Variants in DGKQ observed in about 807,000 individuals in gnomAD.
DGKQ encodes the protein diacylglycerol kinase theta, also known as DAG kinase theta.
Under a neutral mutation model 104.2 loss-of-function variants are expected in DGKQ, and 97 were observed. The observed-to-expected ratio is 0.93, with a 90% confidence interval of 0.79 to 1.10. The LOEUF (loss-of-function observed/expected upper bound fraction) is 1.10, where lower values mean the gene tolerates loss of function less well. DGKQ is among the 50% of genes least tolerant of loss of function. The probability of loss-of-function intolerance (pLI) is 0.00; values close to 1 mark genes in which losing one functional copy is unlikely to be tolerated. For missense variants in DGKQ, 1,465 were observed against 1,352.1 expected, an observed-to-expected ratio of 1.08 and a Z score of -1.31; for synonymous variants, 736 against 595.2, an observed-to-expected ratio of 1.24 and a Z score of -3.44.
In DGKQ at chr4:965,249, C is replaced by A; in HGVS notation, c.1661G>T (p.Arg554Leu). The change falls in exon 15 of 23, where the codon CGG (arginine) becomes CTG (leucine). Residue 554 changes from arginine to leucine, a missense_variant. Arg to Leu is a moderately radical substitution (Grantham distance 102). Coordinates refer to ENST00000273814, the MANE Select transcript of DGKQ (RefSeq NM_001347.4). ...LDVACFAEAERLYMLLKDMAV... is the reference protein window; with the variant it reads ...LDVACFAEAELLYMLLKDMAV... ...CATGTCCTTCAGCAGCATGTACAGC[C>A]GCTCGGCCTCCGCAAAGCAGGCAAC... The A allele has an allele frequency of 3.7e-6, 6 of 1,612,662 alleles. No individual in the cohort carries two copies. The highest frequency in any genetic ancestry group is 5.1e-6 in the Non-Finnish European group (6 of 1,179,914).
At chr4:963,724 C>T (rs140573398) in intron 15 of DGKQ, among the ~76,000 whole-genome samples, 187 of 152,360 alleles carry the variant, frequency 1.2e-3, no homozygotes, top group African/African-American at 4.2e-3. Context: ...CCCAGGCCAC[C>T]GCCCACCTAC....
chr4:964,808 G>A (rs985080336), intron 15 of DGKQ, among the ~76,000 whole-genome samples: 6 of 152,108 alleles, frequency 3.9e-5, no homozygotes, highest in Non-Finnish European at 5.9e-5. Context: ...CGAGGCAGCC[G>A]CAGCGGGGCC....
At position 961,206 on chromosome 4, in the gene DGKQ, G is replaced by A. The variant is rs761187759; in HGVS notation, c.2575-5C>T. 6.5e-7 allele frequency: 1 copy of A among 1,546,530 alleles called. No individual in the cohort carries two copies. The highest frequency in any genetic ancestry group is 1.4e-5 in the African/African-American group (1 of 72,546). ...CAGCCCACCCTGGACCTGGCCCTGG[G>A]GCGGGAGAGGCCAGCCGGGCTCAGC... is the stretch of plus-strand genomic sequence containing the variant. On this transcript the variant is annotated splice_region_variant and splice_polypyrimidine_tract_variant and intron_variant, in intron 21 of 22. Transcript: ENST00000273814.
rs755294711 is a variant in DGKQ, at chr4:966,108, C to G, written c.1429-30G>C. The stretch of plus-strand genomic sequence containing the variant: ...AGGGAGAGGGGCGGGGATGCTGGGC[C>G]GGGGAGAACGGCACCACCGCACCAG... On this transcript the variant is annotated intron_variant, in intron 12 of 22. Coordinates refer to ENST00000273814, the MANE Select transcript of DGKQ (RefSeq NM_001347.4). The G allele has an allele frequency of 1.9e-6, 3 of 1,569,052 alleles. No individual in the cohort carries two copies. The South Asian group carries it at 3.5e-5, about 18-fold the overall frequency.
intron 22 of DGKQ, 58 bp from the exon 23 acceptor site, chr4:960,779 ACGGGCAGCCCCCGGTCCTGGGGCCC>A: frequency 1.3e-6 from 2 of 1,586,466 alleles, no homozygotes; most frequent in Non-Finnish European, 1.7e-6. Context: ...AGAACGGTAC[ACGGGCAGCCCCCGGTCCTGGGGCCC>A]CGGGCAGCTG....
rs902333438 is a variant in DGKQ at position 967,597 on chromosome 4, C to A, written c.939G>T (p.Gln313His). Residue 313 changes from glutamine (Q) to histidine (H), a missense_variant, in exon 8 of 23, where the codon CAG becomes CAT. Physicochemically the swap from Gln to His is conservative, Grantham distance 24. Coordinates refer to ENST00000273814, the MANE Select transcript of DGKQ (RefSeq NM_001347.4). Reference sequence around the variant, plus strand: ...GGCGGGACACCGTGACGAGGCGGAACTGGCTTCTTCTCACCGCGTCGTCGC... The same window carrying A: ...GGCGGGACACCGTGACGAGGCGGAAATGGCTTCTTCTCACCGCGTCGTCGC... ...FDGDDAVRRSQFRLVTVSRLA... is the reference protein window; with the variant it reads ...FDGDDAVRRSHFRLVTVSRLA... 1 of 1,612,726 alleles carries A rather than the reference C, an allele frequency of 6.2e-7. No individual in the cohort carries two copies. Among genetic ancestry groups the A allele is most frequent in the Non-Finnish European group, 8.5e-7 (1 of 1,179,880 alleles).
At chr4:966,690 C>T in intron 11 of DGKQ, 58 bp downstream of exon 11, 1 of 1,556,112 alleles carries the variant, frequency 6.4e-7, no homozygotes. Flanking sequence ...GCCTGGGCAG[C>T]AGGTCCAAAC....
Position 973,297 on chromosome 4 carries a change from G to C in DGKQ, c.186C>G (p.Ser62Arg), listed in dbSNP as rs766144176. The C allele has an allele frequency of 1.3e-6, 2 of 1,514,618 alleles. No individual in the cohort carries two copies. The highest frequency in any genetic ancestry group is 1.8e-6 in the Non-Finnish European group (2 of 1,132,982). The allele number at this position is 1,514,618 out of a possible 1,614,324, so 93.8% of individuals were successfully genotyped here. ...GCTTGGTGAGCGTCACCTTCCGGAA[G>C]CTGTGTCCCGGCGCGGCAGCGGGGC... is the stretch of plus-strand genomic sequence containing the variant. ...APGPAAAPGH[S>R]FRKVTLTKPT... The change falls in exon 1 of 23, where the codon AGC (serine) becomes AGG (arginine). Residue 62 changes from serine (S) to arginine (R), a missense_variant. Transcript: ENST00000273814.
At position 965,957 on chromosome 4, in the gene DGKQ, C is replaced by G. The variant is rs1452390705; in HGVS notation, c.1550G>C (p.Ser517Thr). 4 of 1,605,340 alleles carry G rather than the reference C, an allele frequency of 2.5e-6. No homozygotes were observed. The highest frequency in any genetic ancestry group is 3.4e-6 in the Non-Finnish European group (4 of 1,176,704). The change falls in exon 13 of 23, where the codon AGC (serine) becomes ACC (threonine). Residue 517 changes from serine to threonine, a missense_variant. Coordinates refer to ENST00000273814, the MANE Select transcript of DGKQ (RefSeq NM_001347.4). ...GGTAGCCCCGGCCTCATGCAGCAGGCTGCTGTACTCCTCGGGAGACAGGCC... is the reference window on the plus strand; with the variant it reads ...GGTAGCCCCGGCCTCATGCAGCAGGGTGCTGTACTCCTCGGGAGACAGGCC... Reference protein sequence around the residue: ...PPGLSPEEYSSLLHEAGATKA... With the variant: ...PPGLSPEEYSTLLHEAGATKA...
At chr4:970,763 T>C (rs993091882) in intron 2 of DGKQ, among the ~76,000 whole-genome samples, 17 of 152,212 alleles carry the variant, frequency 1.1e-4, no homozygotes, top group African/African-American at 3.9e-4. Flanking sequence ...GAGCACATTC[T>C]ATGGACAGGA....
rs529521985 is a variant in DGKQ, at chr4:967,566, C to G, written c.970G>C (p.Gly324Arg). The change falls in exon 8 of 23, where the codon GGT becomes CGT. Residue 324 changes from glycine (G) to arginine (R), a missense_variant. By Grantham distance (125) the Gly-to-Arg change is moderately radical. Transcript: ENST00000273814. ...FRLVTVSRLA[G>R]AEEVLEAALR... The stretch of plus-strand genomic sequence containing the variant: ...CCCCTTACCAGCACCTCCTCGGCAC[C>G]GGCCAGGCGGGACACCGTGACGAGG... The G allele has an allele frequency of 6.2e-7, 1 of 1,612,516 alleles. No individual in the cohort carries two copies. Among genetic ancestry groups the G allele is most frequent in the African/African-American group, 1.3e-5 (1 of 75,026 alleles).
intron 14 of DGKQ, 26 bp downstream of exon 14, chr4:965,465 T>A: frequency 6.2e-7 from 1 of 1,608,062 alleles, no homozygotes; most frequent in Non-Finnish European, 8.5e-7. Flanking sequence ...GGGCCTCATG[T>A]GACCACGTCC....
At chr4:963,097 G>A (rs772216516) in intron 16 of DGKQ, 42 bp downstream of exon 16, 11 of 1,559,996 alleles carry the variant, frequency 7.1e-6, no homozygotes, top group South Asian at 2.4e-5. Flanking sequence ...GGCCCTTCCC[G>A]CCCCTGCTGC....
At position 968,553 on chromosome 4, in the gene DGKQ, G is replaced by A. The variant is rs1200666890; in HGVS notation, c.463C>T (p.His155Tyr). ...PALHCEVCEL[H>Y]LHPDCVPFAC... is the part of the protein sequence containing the mutation. ...AAGGGCACACAGTCTGGGTGGAGGTGCAGCTCACACACTGGGGGGCAGGCA... is the reference window on the plus strand; with the variant it reads ...AAGGGCACACAGTCTGGGTGGAGGTACAGCTCACACACTGGGGGGCAGGCA... Residue 155 changes from histidine to tyrosine, a missense_variant, in exon 4 of 23, where the codon CAC (histidine) becomes TAC (tyrosine). Coordinates refer to ENST00000273814, the MANE Select transcript of DGKQ (RefSeq NM_001347.4). 2 of 1,608,444 alleles carry A rather than the reference G, an allele frequency of 1.2e-6. No individual in the cohort carries two copies. The highest frequency in any genetic ancestry group is 2.2e-5 in the East Asian group (1 of 44,652).
chr4:959,298 C>T lies in DGKQ; in HGVS notation c.*1322G>A, dbSNP rs1711680510. On this transcript the variant is annotated 3_prime_UTR_variant, in exon 23 of 23. Coordinates refer to ENST00000273814, the MANE Select transcript of DGKQ (RefSeq NM_001347.4). ...CCAGAGCCACTTCTGAGGTCAAAGC[C>T]ACACCCAGGAAAGCTCCGCAGGATT... The T allele has an allele frequency of 6.6e-6, 1 of 152,558 alleles. No homozygotes were observed. The highest frequency in any genetic ancestry group is 2.1e-4 in the South Asian group (1 of 4,834). 9.5% of individuals were successfully genotyped at this position (152,558 alleles called of 1,614,324 possible).
chr4:965,477 T>G lies in DGKQ; in HGVS notation c.1618+14A>C, dbSNP rs1455846306. The G allele has an allele frequency of 6.2e-7, 1 of 1,609,812 alleles. No homozygotes were observed. The highest frequency in any genetic ancestry group is 1.3e-5 in the African/African-American group (1 of 74,876). On this transcript the variant is annotated intron_variant, in intron 14 of 22. Coordinates refer to ENST00000273814, the MANE Select transcript of DGKQ (RefSeq NM_001347.4). ...CCTGGGCCTCATGTGACCACGTCCC[T>G]CAGGGCAGCTCACCTTGGGAGGAGT...
In DGKQ at chr4:973,453, G is replaced by T; in HGVS notation, c.30C>A (p.Arg10=). ...GCGGGGAGCCGCCGCCCAGCCAGGC[G>T]CGGGCCCCGGGCTCGGCCGCCGCCG... MAAAAEPGA[R]AWLGGGSPRP... Residue 10 remains arginine (R), a synonymous_variant, in exon 1 of 23, where the codon CGC becomes CGA. Coordinates refer to ENST00000273814, the MANE Select transcript of DGKQ (RefSeq NM_001347.4). The T allele has an allele frequency of 2.0e-6, 2 of 986,458 alleles. No homozygotes were observed. Among genetic ancestry groups the T allele is most frequent in the African/African-American group, 3.5e-5 (2 of 56,944 alleles). The allele number at this position is 986,458 out of a possible 1,614,324, so 61.1% of individuals were successfully genotyped here.
At chr4:963,500 A>G (rs768825926) in intron 15 of DGKQ, among the ~76,000 whole-genome samples, 19 of 152,312 alleles carry the variant, frequency 1.2e-4, no homozygotes, top group South Asian at 4.1e-4. Context: ...GCAGGGCGGC[A>G]CTGAGGACAG....
Position 958,928 on chromosome 4 carries a change from T to C in DGKQ, c.*1692A>G, listed in dbSNP as rs966682141. Reference sequence around the variant, plus strand: ...AGACTGTATTTGTCCTGGATATAAATTACTGTTGCATTCAGGCAGCGATAA... The same window carrying C: ...AGACTGTATTTGTCCTGGATATAAACTACTGTTGCATTCAGGCAGCGATAA... On this transcript the variant is annotated 3_prime_UTR_variant, in exon 23 of 23. Transcript: ENST00000273814. The C allele has an allele frequency of 2.2e-5, 4 of 181,472 alleles. No homozygotes were observed. The highest frequency in any genetic ancestry group is 9.5e-5 in the African/African-American group (4 of 42,144). 11.2% of individuals were successfully genotyped at this position (181,472 alleles called of 1,614,324 possible). A position where few individuals can be genotyped will look rare whatever the true frequency, so the allele number is the denominator to read the frequency against.
Sources: gnomAD v4.1 joint callset for allele counts (sites outside exome capture counted in the v4.1 genomes callset) on GRCh38, gnomAD v4.1.1 for gene constraint, MANE v1.5 for transcripts, NCBI Gene and HGNC (gene_info 2026-07-23, HGNC 2026-07-21) for gene names.